TRERF1: variants seen among roughly 807,000 people sequenced by gnomAD.
TRERF1 encodes the protein transcriptional regulating factor 1.
TRERF1 carries 27 observed loss-of-function variants against 122.9 expected under a neutral mutation model. The observed-to-expected ratio is 0.22, with a 90% CI of 0.16 to 0.30. The LOEUF (loss-of-function observed/expected upper bound fraction) is 0.30, where lower values mean the gene tolerates loss of function less well. TRERF1 is among the 10% of genes least tolerant of loss of function. The pLI is 1.00. For synonymous variants in TRERF1, 636 were observed against 641.7 expected, an observed-to-expected ratio of 0.99 and a Z score of 0.13; for missense variants, 1,248 against 1,560.3, an observed-to-expected ratio of 0.80 and a Z score of 3.37.
At chr6:42,400,494 G>T (rs1240386554) in intron 2 of TRERF1, among the ~76,000 whole-genome samples, 1 of 152,148 alleles carries the variant, frequency 6.6e-6, no homozygotes, top group Non-Finnish European at 1.5e-5. Flanking sequence ...CTTATTGGGG[G>T]TACACCTGGG....
At chr6:42,361,215 C>G (rs1357190929) in intron 3 of TRERF1, among the ~76,000 whole-genome samples, 3 of 152,292 alleles carry the variant, frequency 2.0e-5, no homozygotes, top group African/African-American at 7.2e-5. Flanking sequence ...CAGTCTGCAA[C>G]GTGAAAGCAA....
At chr6:42,417,804 C>G (rs1582108442) in intron 2 of TRERF1, among the ~76,000 whole-genome samples, 1 of 152,166 alleles carries the variant, frequency 6.6e-6, no homozygotes, top group Non-Finnish European at 1.5e-5. Context: ...GTCACACCCC[C>G]CCAACAGTCT....
At chr6:42,277,902 GAAGGAAGAA>G (rs1781486425) in intron 4 of TRERF1, among the ~76,000 whole-genome samples, 1 of 96,532 alleles carries the variant, frequency 1.0e-5, no homozygotes, top group Non-Finnish European at 2.0e-5. Flanking sequence ...GAAGAAGGAA[GAAGGAAGAA>G]GAAGAAGAAG....
At chr6:42,353,446 G>C (rs931783710) in intron 3 of TRERF1, among the ~76,000 whole-genome samples, 3 of 152,112 alleles carry the variant, frequency 2.0e-5, no homozygotes, top group Admixed American at 6.5e-5. Context: ...AAATCAGCTA[G>C]GCGTGGTGGC....
At chr6:42,238,352 T>C (rs1455210281) in intron 15 of TRERF1, among the ~76,000 whole-genome samples, 1 of 152,250 alleles carries the variant, frequency 6.6e-6, no homozygotes, top group Non-Finnish European at 1.5e-5. Flanking sequence ...AGTCACACTG[T>C]ACCATGATTA....
In TRERF1 at chr6:42,417,138, C is replaced by T. The variant is rs189967482; in HGVS notation, c.-454+34039G>A. Reference sequence around the variant, plus strand: ...GAGGACAGACAGGTTTGCAACAAACCAGAAACATACTCCAAAGCAACATGG... The same window carrying T: ...GAGGACAGACAGGTTTGCAACAAACTAGAAACATACTCCAAAGCAACATGG... On this transcript the variant is annotated intron_variant, in intron 2 of 17. Coordinates refer to ENST00000372922, the Ensembl canonical transcript of TRERF1. Among the ~76,000 whole-genome samples, 286 of 152,196 alleles carry T rather than the reference C, an allele frequency of 1.9e-3. 1 individual carries two copies. The highest frequency in any genetic ancestry group is 5.9e-3 in the African/African-American group (247 of 41,524).
chr6:42,227,594 T>C (rs971174903), exon 18 of TRERF1: 2 of 152,256 alleles, frequency 1.3e-5, no homozygotes, highest in Non-Finnish European at 2.9e-5. Context: ...CACCCACAAC[T>C]TGGAGCTGAC....
intron 2 of TRERF1, among the ~76,000 whole-genome samples, chr6:42,440,518 T>A (rs1377761766): frequency 6.6e-6 from 1 of 152,126 alleles, no homozygotes; most frequent in African/African-American, 2.4e-5. Context: ...AAGCTTTCTA[T>A]AAATAGCAGT....
At chr6:42,290,140 G>A (rs114291685) in intron 4 of TRERF1, among the ~76,000 whole-genome samples, 1,609 of 152,292 alleles carry the variant, frequency 0.011, 11 homozygotes, top group African/African-American at 0.019. Context: ...CGGTGAACAT[G>A]GGCCCAGCGC....
chr6:42,270,263 C>T (rs914583355), intron 4 of TRERF1, among the ~76,000 whole-genome samples: 6 of 152,222 alleles, frequency 3.9e-5, no homozygotes, highest in African/African-American at 1.4e-4. Flanking sequence ...ATGCACTCCA[C>T]ACCCTTTTCA....
chr6:42,260,990 C>T (rs549225564), intron 8 of TRERF1, among the ~76,000 whole-genome samples: 52 of 152,062 alleles, frequency 3.4e-4, no homozygotes, highest in Non-Finnish European at 5.7e-4. Flanking sequence ...TCCCAGGCTC[C>T]CGGCTCCAGA....
At chr6:42,434,668 CCA>C (rs3075920) in intron 2 of TRERF1, among the ~76,000 whole-genome samples, 11,328 of 114,762 alleles carry the variant, frequency 0.099, 534 homozygotes, top group African/African-American at 0.16. Context: ...ACACCCTCCA[CCA>C]CACACACACA....
At chr6:42,301,940 A>G (rs147227564) in intron 3 of TRERF1, among the ~76,000 whole-genome samples, 85 of 152,328 alleles carry the variant, frequency 5.6e-4, no homozygotes, top group Non-Finnish European at 1.0e-3. Flanking sequence ...TGGGAAGGAG[A>G]ACCACAGCAG....
intron 3 of TRERF1, among the ~76,000 whole-genome samples, chr6:42,348,245 T>C (rs77124394): frequency 0.032 from 4,892 of 152,086 alleles, 271 homozygotes; most frequent in African/African-American, 0.11. Context: ...TTTTCTTTTT[T>C]CTTTTTCTTC....
chr6:42,281,205 A>C (rs1247222077), intron 4 of TRERF1, among the ~76,000 whole-genome samples: 1 of 152,162 alleles, frequency 6.6e-6, no homozygotes, highest in Non-Finnish European at 1.5e-5. Context: ...ATTTCTTGCC[A>C]AAACAACTTC....
At chr6:42,256,045 C>T (rs1266720628) in intron 12 of TRERF1, among the ~76,000 whole-genome samples, 2 of 150,408 alleles carry the variant, frequency 1.3e-5, no homozygotes, top group Non-Finnish European at 3.0e-5. Flanking sequence ...GAGGGAGAAT[C>T]GCTTGAACCC....
intron 4 of TRERF1, among the ~76,000 whole-genome samples, chr6:42,293,272 T>C (rs542924596): frequency 2.6e-5 from 4 of 152,334 alleles, no homozygotes; most frequent in Admixed American, 1.3e-4. Flanking sequence ...CAGGAGGTTT[T>C]ATTTCCACCT....
chr6:42,253,734 C>T (rs1261243982), intron 13 of TRERF1, among the ~76,000 whole-genome samples: 1 of 152,090 alleles, frequency 6.6e-6, no homozygotes, highest in East Asian at 1.9e-4. Flanking sequence ...CAGGAAGGCT[C>T]GTTCATGAAA....
chr6:42,340,059 G>T (rs1766959779), intron 3 of TRERF1, among the ~76,000 whole-genome samples: 1 of 152,060 alleles, frequency 6.6e-6, no homozygotes, highest in Non-Finnish European at 1.5e-5. Flanking sequence ...CCCACCCCAG[G>T]GCTAAGTCTT....
Sources: gnomAD v4.1 joint callset for allele counts (sites outside exome capture counted in the v4.1 genomes callset) on GRCh38, gnomAD v4.1.1 for gene constraint, MANE v1.5 for transcripts, NCBI Gene and HGNC (gene_info 2026-07-23, HGNC 2026-07-21) for gene names.